Variants in CDIN1 observed in about 807,000 individuals in gnomAD.
The protein encoded by CDIN1 is CDAN1 interacting nuclease 1, also known as CDAN1-interacting nuclease 1.
A neutral mutation model predicts 45.3 loss-of-function variants in CDIN1; 33 were observed. The ratio of observed to expected loss-of-function variants is 0.73; its 90% CI spans 0.55 to 0.97. CDIN1 has a LOEUF of 0.97. Among genes scored for constraint, CDIN1 ranks in the 50% least tolerant of loss-of-function variants. The pLI, the probability that CDIN1 is intolerant of heterozygous loss-of-function variation, is 0.00. For synonymous variants in CDIN1, 118 were observed against 124.4 expected, an observed-to-expected ratio of 0.95 and a Z score of 0.34; for missense variants, 303 against 339.4, an observed-to-expected ratio of 0.89 and a Z score of 0.84.
chr15:36,802,965 T>C lies in CDIN1; in HGVS notation c.717-5359T>C, dbSNP rs575965655. ...CTGCCTTTTTTAAAACTGAACAAAA[T>C]GTAAGCAGCATTTGTGTTTCCTGCA... is the stretch of plus-strand genomic sequence containing the variant. On this transcript the variant is annotated intron_variant, in intron 10 of 10. Transcript: ENST00000566621. Among the ~76,000 whole-genome samples, 5 of 152,124 alleles carry C rather than the reference T, an allele frequency of 3.3e-5. No homozygotes were observed. The East Asian group carries it at 5.8e-4, about 18-fold the overall frequency.
Position 36,645,272 on chromosome 15 carries a change from A to C in CDIN1, c.197A>C (p.Glu66Ala), listed in dbSNP as rs200414277. 2.1e-5 allele frequency: 33 copies of C among 1,553,000 alleles called. 1 individual carries two copies. The highest frequency in any genetic ancestry group is 2.0e-4 in the South Asian group (17 of 84,230). The change falls in exon 3 of 11, where the codon GAA becomes GCA. Residue 66 changes from glutamate (E) to alanine (A), a missense_variant. Physicochemically the swap from Glu to Ala is moderately radical, Grantham distance 107. Transcript: ENST00000566621. ...HAKHHTSEAI[E>A]SYYQRYLNGV... Reference sequence around the variant, plus strand: ...AAACATCATACTTCGGAAGCAATTGAAAGTTATTACCAGAGGTATGACCTT... The same window carrying C: ...AAACATCATACTTCGGAAGCAATTGCAAGTTATTACCAGAGGTATGACCTT...
chr15:36,625,280 C>CAA (rs899963579), intron 1 of CDIN1, among the ~76,000 whole-genome samples: 1 of 110,658 alleles, frequency 9.0e-6, no homozygotes. Context: ...GACCCTGTCT[C>CAA]AAAAAAAAAA....
chr15:36,680,278 G>T (rs2041804719), intron 5 of CDIN1, among the ~76,000 whole-genome samples: 1 of 152,144 alleles, frequency 6.6e-6, no homozygotes, highest in South Asian at 2.1e-4. Context: ...TCTTTCTGTT[G>T]TTTGGGAGTC....
intron 1 of CDIN1, chr15:36,618,132 A>G: frequency 1.4e-6 from 1 of 719,356 alleles, no homozygotes; most frequent in East Asian, 2.5e-5. Flanking sequence ...AGTTTTGTGA[A>G]TGGCATTAAT....
intron 10 of CDIN1, among the ~76,000 whole-genome samples, chr15:36,758,076 T>G (rs2053657532): frequency 6.6e-6 from 1 of 152,138 alleles, no homozygotes; most frequent in Admixed American, 6.6e-5. Flanking sequence ...ATCATGGTTT[T>G]AGGCATCTAG....
At chr15:36,740,804 G>A (rs1037984090) in intron 10 of CDIN1, among the ~76,000 whole-genome samples, 8 of 151,580 alleles carry the variant, frequency 5.3e-5, no homozygotes, top group East Asian at 3.9e-4. Context: ...CAGGAGAATC[G>A]CTTGAACCCA....
At chr15:36,581,693 C>G (rs577588278) in intron 1 of CDIN1, among the ~76,000 whole-genome samples, 8 of 152,158 alleles carry the variant, frequency 5.3e-5, no homozygotes, top group African/African-American at 1.7e-4. Flanking sequence ...GACTGGGCAA[C>G]GTAGCAAAAC....
chr15:36,692,736 C>T (rs142877278), intron 7 of CDIN1, among the ~76,000 whole-genome samples: 1 of 152,216 alleles, frequency 6.6e-6, no homozygotes, highest in East Asian at 1.9e-4. Context: ...TCCTGGAATA[C>T]ATTTAAGGTT....
chr15:36,764,498 A>G (rs149251790), intron 10 of CDIN1, among the ~76,000 whole-genome samples: 6 of 152,290 alleles, frequency 3.9e-5, no homozygotes, highest in Non-Finnish European at 7.4e-5. Flanking sequence ...ATGGGGTTGT[A>G]TGGAAAAAAG....
chr15:36,584,878 T>C (rs530925651), intron 1 of CDIN1, among the ~76,000 whole-genome samples: 1 of 152,324 alleles, frequency 6.6e-6, no homozygotes, highest in South Asian at 2.1e-4. Flanking sequence ...AAAATACTCA[T>C]CAACTTTATA....
At chr15:36,634,184 A>C (rs1418267153) in intron 1 of CDIN1, among the ~76,000 whole-genome samples, 1 of 152,124 alleles carries the variant, frequency 6.6e-6, no homozygotes. Flanking sequence ...TAATCGCAGC[A>C]CTTTGGGAGG....
At chr15:36,618,292 T>A (rs2038992514) in intron 1 of CDIN1, 1 of 666,982 alleles carries the variant, frequency 1.5e-6, no homozygotes, top group East Asian at 2.5e-5. Flanking sequence ...ATTGAACAGA[T>A]CTAGTTCAAA....
chr15:36,703,427 A>ATATATATATATCTGATATACATG (rs2042747401), intron 8 of CDIN1, among the ~76,000 whole-genome samples: 1 of 146,896 alleles, frequency 6.8e-6, no homozygotes, highest in African/African-American at 2.5e-5. Flanking sequence ...TCAGATATAT[A>ATATATATATATCTGATATACATG]TATATCAGAA....
intron 1 of CDIN1, among the ~76,000 whole-genome samples, chr15:36,597,311 A>T (rs926707394): frequency 6.6e-6 from 1 of 152,162 alleles, no homozygotes; most frequent in Non-Finnish European, 1.5e-5. Flanking sequence ...AGAATTTGCA[A>T]TGCTCAAACT....
intron 10 of CDIN1, among the ~76,000 whole-genome samples, chr15:36,784,010 G>A (rs2054423405): frequency 6.6e-6 from 1 of 152,090 alleles, no homozygotes; most frequent in Admixed American, 6.6e-5. Flanking sequence ...CATACACTAA[G>A]AGAAAATGAA....
intron 8 of CDIN1, 44 bp downstream of exon 8, chr15:36,697,434 A>T (rs2042473863): frequency 6.9e-7 from 1 of 1,449,380 alleles, no homozygotes; most frequent in Admixed American, 2.1e-5. Flanking sequence ...TGTCTCCCTG[A>T]GTGCTTAAAT....
At chr15:36,584,299 G>A (rs1433714562) in intron 1 of CDIN1, among the ~76,000 whole-genome samples, 1 of 152,158 alleles carries the variant, frequency 6.6e-6, no homozygotes, top group Non-Finnish European at 1.5e-5. Context: ...GCCAGGTGTG[G>A]TGGTACATGC....
At chr15:36,785,013 A>T (rs1008975372) in intron 10 of CDIN1, among the ~76,000 whole-genome samples, 2 of 152,102 alleles carry the variant, frequency 1.3e-5, no homozygotes, top group South Asian at 4.1e-4. Context: ...TATCTTTCTG[A>T]ATTAGCTAAG....
At chr15:36,652,643 G>A (rs1293849297) in intron 3 of CDIN1, among the ~76,000 whole-genome samples, 1 of 151,994 alleles carries the variant, frequency 6.6e-6, no homozygotes. Context: ...TTTCCAATTG[G>A]TTTCCCAAAT....
Sources: gnomAD v4.1 joint callset for allele counts (sites outside exome capture counted in the v4.1 genomes callset) on GRCh38, gnomAD v4.1.1 for gene constraint, MANE v1.5 for transcripts, NCBI Gene and HGNC (gene_info 2026-07-23, HGNC 2026-07-21) for gene names.